Variants in FCHO2 observed in about 807,000 individuals in gnomAD.
The protein encoded by FCHO2 is F-BAR domain only protein 2.
Under a neutral mutation model 114.1 loss-of-function variants are expected in FCHO2, and 43 were observed. That is an observed-to-expected ratio of 0.38 (90% CI 0.30 to 0.49). The LOEUF (loss-of-function observed/expected upper bound fraction) is 0.49, where lower values mean the gene tolerates loss of function less well. FCHO2 is among the 20% of genes least tolerant of loss of function. The pLI, the probability that FCHO2 is intolerant of heterozygous loss-of-function variation, is 0.97. For synonymous variants in FCHO2, 293 were observed against 315.2 expected (o/e 0.93, Z 0.75); for missense variants, 807 against 950.4 (o/e 0.85, Z 1.98).
intron 2 of FCHO2, among the ~76,000 whole-genome samples, chr5:72,984,704 C>T (rs939618239): frequency 6.6e-6 from 1 of 152,102 alleles, no homozygotes; most frequent in African/African-American, 2.4e-5. Context: ...CACTGTCATC[C>T]AGGCTGCAGC....
chr5:73,049,112 G>A (rs1408816371), intron 11 of FCHO2, among the ~76,000 whole-genome samples: 1 of 151,698 alleles, frequency 6.6e-6, no homozygotes, highest in Non-Finnish European at 1.5e-5. Context: ...TCCTGACCTC[G>A]TGATCCGCCC....
chr5:72,992,869 T>G (rs535436105), intron 5 of FCHO2, among the ~76,000 whole-genome samples: 1 of 151,840 alleles, frequency 6.6e-6, no homozygotes, highest in African/African-American at 2.4e-5. Context: ...GTATAAAGCA[T>G]AACACAATTC....
chr5:72,961,837 T>C (rs559607111), intron 1 of FCHO2, among the ~76,000 whole-genome samples: 1 of 152,272 alleles, frequency 6.6e-6, no homozygotes, highest in African/African-American at 2.4e-5. Flanking sequence ...GTGATCCGCC[T>C]GCCTCGGCCT....
intron 1 of FCHO2, among the ~76,000 whole-genome samples, chr5:72,960,885 T>C (rs915535188): frequency 3.3e-5 from 5 of 152,186 alleles, no homozygotes; most frequent in African/African-American, 1.2e-4. Context: ...TAGTATTCTT[T>C]AGTATATATC....
At chr5:73,087,825 G>A (rs993351017) in intron 25 of FCHO2, 72 bp downstream of exon 25, 3 of 1,509,776 alleles carry the variant, frequency 2.0e-6, no homozygotes, top group Admixed American at 2.3e-5. Flanking sequence ...TTAAAAAACT[G>A]TCAAGCAATT....
At chr5:73,030,266 T>C (rs1756165746) in intron 8 of FCHO2, among the ~76,000 whole-genome samples, 1 of 152,182 alleles carries the variant, frequency 6.6e-6, no homozygotes, top group Non-Finnish European at 1.5e-5. Flanking sequence ...GGCGTTGGAC[T>C]CCTGACCTCA....
Position 73,037,224 on chromosome 5 carries a change from T to G in FCHO2, c.914+9T>G. 6.4e-7 allele frequency: 1 copy of G among 1,567,074 alleles called. No homozygotes were observed. The highest frequency in any genetic ancestry group is 1.9e-5 in the Admixed American group (1 of 52,162). On this transcript the variant is annotated intron_variant, in intron 10 of 25. Transcript: ENST00000430046. ...AAAGATGCAGAATCTGTGTAAGTAT[T>G]TTAAATATCGTCAAAATCCTTTTTG... is the stretch of plus-strand genomic sequence containing the variant.
In FCHO2 at chr5:72,997,270, C is replaced by T. The variant is rs184268812; in HGVS notation, c.495+6406C>T. 3.2e-5 allele frequency: 42 copies of T among 1,293,718 alleles called. No homozygotes were observed. In the Admixed American group the frequency reaches 4.4e-4, roughly 13 times the overall value. 80.1% of individuals were successfully genotyped at this position (1,293,718 alleles called of 1,614,324 possible). A position where few individuals can be genotyped will look rare whatever the true frequency, so the allele number is the denominator to read the frequency against. On this transcript the variant is annotated intron_variant, in intron 5 of 25. Coordinates refer to ENST00000430046, the MANE Select transcript of FCHO2 (RefSeq NM_138782.3). Reference sequence around the variant, plus strand: ...CCCATGTGGATTTCTTTTTGGAAGTCGTGAGCGAGTGGTGGGAGCTGGTAG... The same window carrying T: ...CCCATGTGGATTTCTTTTTGGAAGTTGTGAGCGAGTGGTGGGAGCTGGTAG...
intron 12 of FCHO2, 88 bp downstream of exon 12, chr5:73,051,494 A>G (rs996044888): frequency 1.4e-6 from 1 of 704,426 alleles, no homozygotes; most frequent in Non-Finnish European, 2.3e-6. Flanking sequence ...AGCCTCTTCC[A>G]ATTTTTTATT....
intron 18 of FCHO2, among the ~76,000 whole-genome samples, chr5:73,066,429 C>T (rs1487850827): frequency 6.6e-6 from 1 of 151,706 alleles, no homozygotes; most frequent in Non-Finnish European, 1.5e-5. Flanking sequence ...TCTTAGCATT[C>T]TTTTTTAATA....
intron 6 of FCHO2, among the ~76,000 whole-genome samples, chr5:73,010,528 T>TA: frequency 6.6e-6 from 1 of 152,112 alleles, no homozygotes; most frequent in South Asian, 2.1e-4. Context: ...ACAACAGGGA[T>TA]ACACTTTAAG....
chr5:72,999,445 C>T (rs1334978861), intron 5 of FCHO2, among the ~76,000 whole-genome samples: 13 of 142,542 alleles, frequency 9.1e-5, no homozygotes, highest in Admixed American at 2.9e-4. Flanking sequence ...TGCAGTGGCA[C>T]GATCTTGGCT....
intron 12 of FCHO2, among the ~76,000 whole-genome samples, chr5:73,052,048 C>T (rs1377577016): frequency 4.6e-5 from 7 of 151,984 alleles, no homozygotes; most frequent in African/African-American, 1.7e-4. Flanking sequence ...CTCAGCCTCC[C>T]GATTGTCTGG....
At chr5:73,052,712 A>G (rs1381145376) in intron 13 of FCHO2, 2 of 486,012 alleles carry the variant, frequency 4.1e-6, no homozygotes, top group African/African-American at 2.0e-5. Context: ...AAAATTTACT[A>G]TTTCTGCCAT....
chr5:72,996,521 C>G (rs1175857184), intron 5 of FCHO2, among the ~76,000 whole-genome samples: 1 of 152,010 alleles, frequency 6.6e-6, no homozygotes, highest in Non-Finnish European at 1.5e-5. Context: ...TATTGACTCT[C>G]TGCTTACCCC....
At chr5:73,069,992 T>C (rs1280057250) in intron 19 of FCHO2, among the ~76,000 whole-genome samples, 2 of 152,142 alleles carry the variant, frequency 1.3e-5, no homozygotes, top group Non-Finnish European at 2.9e-5. Context: ...ATAATGCAAA[T>C]CACTGATTTT....
At chr5:73,031,812 T>C (rs1756253691) in intron 8 of FCHO2, among the ~76,000 whole-genome samples, 1 of 152,230 alleles carries the variant, frequency 6.6e-6, no homozygotes, top group Non-Finnish European at 1.5e-5. Context: ...AAAATGGTTT[T>C]ATTTGCTTTT....
chr5:72,963,297 A>T (rs1231032374), intron 1 of FCHO2, among the ~76,000 whole-genome samples: 1 of 152,218 alleles, frequency 6.6e-6, no homozygotes, highest in Non-Finnish European at 1.5e-5. Context: ...AGCAACAGCC[A>T]CAAGTCTGCA....
At position 73,041,273 on chromosome 5, in the gene FCHO2, G is replaced by C. The variant is rs1325366655; in HGVS notation, c.915-18G>C. The C allele has an allele frequency of 1.4e-6, 2 of 1,456,114 alleles. No individual in the cohort carries two copies. Among genetic ancestry groups the C allele is most frequent in the South Asian group, 2.3e-5 (2 of 85,730 alleles). 90.2% of individuals were successfully genotyped at this position (1,456,114 alleles called of 1,614,324 possible). A position where few individuals can be genotyped will look rare whatever the true frequency, so the allele number is the denominator to read the frequency against. On this transcript the variant is annotated intron_variant, in intron 10 of 25. Coordinates refer to ENST00000430046, the MANE Select transcript of FCHO2 (RefSeq NM_138782.3). ...ACAATTCTAATTATTGAGTATTTCTGATATTTTGTTTTAATAGGGAATGTC... is the reference window on the plus strand; with the variant it reads ...ACAATTCTAATTATTGAGTATTTCTCATATTTTGTTTTAATAGGGAATGTC...
Sources: allele counts gnomAD v4.1 joint callset (sites outside exome capture counted in the v4.1 genomes callset), GRCh38; gene constraint gnomAD v4.1.1; transcripts MANE v1.5; gene names NCBI Gene and HGNC (gene_info 2026-07-23, HGNC 2026-07-21).